The following NDRG1 variants were observed in gnomAD, a reference collection of about 807,000 sequenced individuals.
NDRG1 encodes the protein N-myc downstream regulated 1.
Under a neutral mutation model 56.9 loss-of-function variants are expected in NDRG1, and 32 were observed. The observed-to-expected ratio is 0.56, with a 90% CI of 0.42 to 0.76. The LOEUF (loss-of-function observed/expected upper bound fraction) is 0.76. Among genes scored for constraint, NDRG1 ranks in the 30% least tolerant of loss-of-function variants. NDRG1 has a pLI of 0.00. For synonymous variants in NDRG1, 211 were observed against 204.1 expected (o/e 1.03, Z -0.29); for missense variants, 507 against 545.7 (o/e 0.93, Z 0.71).
intron 15 of NDRG1, chr8:133,241,611 A>G (rs1025690175): frequency 8.5e-5 from 26 of 307,510 alleles, no homozygotes; most frequent in African/African-American, 5.6e-4. Flanking sequence ...GTGATGGTTC[A>G]GTGAGATAAA....
At chr8:133,250,040 A>G (rs562763048) in intron 10 of NDRG1, among the ~76,000 whole-genome samples, 1 of 152,308 alleles carries the variant, frequency 6.6e-6, no homozygotes, top group East Asian at 1.9e-4. Context: ...CCTTGGAATG[A>G]CAAACTCCCA....
chr8:133,252,616 G>A (rs144387596), intron 9 of NDRG1, among the ~76,000 whole-genome samples: 125 of 47,054 alleles, frequency 2.7e-3, no homozygotes, highest in Middle Eastern at 0.017. Flanking sequence ...CGCCAACTCC[G>A]GAGTGGGGCC....
At chr8:133,268,137 T>C (rs1032282764) in intron 3 of NDRG1, among the ~76,000 whole-genome samples, 9 of 152,154 alleles carry the variant, frequency 5.9e-5, no homozygotes, top group South Asian at 2.1e-4. Context: ...GGCCTCTGCA[T>C]AGCTGCCTGC....
chr8:133,250,956 A>C (rs1855990552), intron 9 of NDRG1, among the ~76,000 whole-genome samples: 1 of 151,458 alleles, frequency 6.6e-6, no homozygotes, highest in African/African-American at 2.4e-5. Context: ...TGCCTACTTC[A>C]CTAGGTTGTA....
intron 3 of NDRG1, among the ~76,000 whole-genome samples, chr8:133,266,275 G>A (rs946621716): frequency 2.5e-4 from 38 of 152,376 alleles, no homozygotes; most frequent in African/African-American, 7.5e-4. Context: ...AGCTCAGCAC[G>A]CTGCATTGAT....
At chr8:133,239,629 A>G (rs1855269863) in intron 15 of NDRG1, 2 of 181,636 alleles carry the variant, frequency 1.1e-5, no homozygotes, top group Non-Finnish European at 2.4e-5. Flanking sequence ...ATCTCTCCCA[A>G]AGAAGCCTGT....
At position 133,264,648 on chromosome 8, in the gene NDRG1, T is replaced by C; in HGVS notation, c.104A>G (p.Gln35Arg). The C allele has an allele frequency of 6.2e-7, 1 of 1,614,114 alleles. No individual in the cohort carries two copies. Among genetic ancestry groups the C allele is most frequent in the Non-Finnish European group, 8.5e-7 (1 of 1,179,922 alleles). Residue 35 changes from glutamine to arginine, a missense_variant, in exon 4 of 16, where the codon CAG becomes CGG. By Grantham distance (43) the Gln-to-Arg change is conservative. Coordinates refer to ENST00000323851, the MANE Select transcript of NDRG1 (RefSeq NM_006096.4). ...GLLQEFDVQE[Q>R]DIETLHGSVH... ...AGAGCCATGTAAAGTCTCGATGTCC[T>C]GCTCCTGAGGAGACACAGCAGACAG... is the stretch of plus-strand genomic sequence containing the variant.
At chr8:133,296,683 T>G in intron 1 of NDRG1, 1 of 370,942 alleles carries the variant, frequency 2.7e-6, no homozygotes, top group Non-Finnish European at 5.3e-6. Flanking sequence ...ATCTCTCCGT[T>G]CCCAGACACA....
chr8:133,240,668 T>A (rs1588218570), intron 15 of NDRG1: 1 of 152,224 alleles, frequency 6.6e-6, no homozygotes, highest in East Asian at 1.9e-4. Context: ...TCCTGTTATT[T>A]TCCCCCCAAG....
intron 7 of NDRG1, among the ~76,000 whole-genome samples, chr8:133,257,276 C>A (rs978431545): frequency 1.4e-5 from 2 of 146,224 alleles, no homozygotes; most frequent in Non-Finnish European, 3.0e-5. Context: ...AGGATAAACA[C>A]ATGCATACAC....
chr8:133,241,782 A>C, intron 15 of NDRG1: 1 of 594,682 alleles, frequency 1.7e-6, no homozygotes, highest in South Asian at 2.0e-5. Context: ...TAAACCCCCC[A>C]AAATCCCTGG....
At chr8:133,278,308 T>TC (rs34644054) in intron 3 of NDRG1, among the ~76,000 whole-genome samples, 131,024 of 152,088 alleles carry the variant, frequency 0.86, 56,610 homozygotes, top group East Asian at 1. Context: ...AAAAAGAGGA[T>TC]TGCTACCATA....
At chr8:133,255,558 G>T in intron 8 of NDRG1, 1 of 330,132 alleles carries the variant, frequency 3.0e-6, no homozygotes, top group South Asian at 2.3e-5. Flanking sequence ...AGCCCAGCGG[G>T]TTGACTGGAA....
chr8:133,241,843 A>G lies in NDRG1; in HGVS notation c.943+180T>C, dbSNP rs528045738. 1.0e-5 allele frequency: 7 copies of G among 685,614 alleles called. No homozygotes were observed. In the East Asian group the frequency reaches 1.9e-4, roughly 19 times the overall value. The allele number at this position is 685,614 out of a possible 1,614,324, so 42.5% of individuals were successfully genotyped here. A position where few individuals can be genotyped will look rare whatever the true frequency, so the allele number is the denominator to read the frequency against. On this transcript the variant is annotated intron_variant, in intron 15 of 15. Coordinates refer to ENST00000323851, the MANE Select transcript of NDRG1 (RefSeq NM_006096.4). ...GGAGGAAAAATGAGCCTCACTGATA[A>G]ATGAGAGGCTAGATCCTCCAGGCTG...
chr8:133,275,239 G>C (rs1322994668), intron 3 of NDRG1, among the ~76,000 whole-genome samples: 2 of 152,168 alleles, frequency 1.3e-5, no homozygotes, highest in African/African-American at 4.8e-5. Flanking sequence ...TCAATCTCTT[G>C]AGTCCCTAAC....
intron 1 of NDRG1, among the ~76,000 whole-genome samples, chr8:133,285,538 G>A (rs1315027851): frequency 6.6e-6 from 1 of 152,210 alleles, no homozygotes; most frequent in South Asian, 2.1e-4. Context: ...GGGCTCCTCT[G>A]AAGACCCAGG....
intron 1 of NDRG1, among the ~76,000 whole-genome samples, chr8:133,289,241 T>C (rs1858298252): frequency 1.3e-5 from 2 of 152,048 alleles, no homozygotes; most frequent in South Asian, 4.2e-4. Flanking sequence ...CTCAGTTTGC[T>C]TGTCTGTCAA....
intron 4 of NDRG1, among the ~76,000 whole-genome samples, chr8:133,263,736 T>C (rs1856768580): frequency 1.3e-5 from 2 of 151,884 alleles, no homozygotes; most frequent in South Asian, 2.1e-4. Flanking sequence ...GCCAACACAG[T>C]GAAACCCCGT....
intron 3 of NDRG1, 110 bp downstream of exon 3, chr8:133,280,122 T>TC (rs1212742213): frequency 1.5e-6 from 2 of 1,349,898 alleles, no homozygotes; most frequent in Admixed American, 1.9e-5. Flanking sequence ...CTGCCTTCTC[T>TC]CCCCTTGCCC....
Sources: gnomAD v4.1 joint callset for allele counts (sites outside exome capture counted in the v4.1 genomes callset) on GRCh38, gnomAD v4.1.1 for gene constraint, MANE v1.5 for transcripts, NCBI Gene and HGNC (gene_info 2026-07-23, HGNC 2026-07-21) for gene names.